The following SVOPL variants were observed in gnomAD, a reference collection of about 807,000 sequenced individuals.
The protein encoded by SVOPL is putative transporter SVOPL.
Under a neutral mutation model 61.0 loss-of-function variants are expected in SVOPL, and 60 were observed. The ratio of observed to expected loss-of-function variants is 0.98; its 90% confidence interval spans 0.80 to 1.22. The LOEUF (loss-of-function observed/expected upper bound fraction) is 1.22. Ranked by LOEUF, SVOPL falls within the 50% of genes most tolerant of loss-of-function variation. SVOPL has a pLI of 0.00. For synonymous variants in SVOPL, 279 were observed against 250.0 expected (o/e 1.12, Z -1.09); for missense variants, 662 against 643.9 (o/e 1.03, Z -0.30).
intron 14 of SVOPL, among the ~76,000 whole-genome samples, chr7:138,617,252 G>A (rs1354933190): frequency 6.6e-6 from 1 of 152,176 alleles, no homozygotes; most frequent in Non-Finnish European, 1.5e-5. Context: ...TTACAGGTGT[G>A]AGTTACTGTG....
intron 1 of SVOPL, among the ~76,000 whole-genome samples, chr7:138,692,348 C>G (rs893229970): frequency 5.3e-5 from 8 of 152,088 alleles, no homozygotes; most frequent in African/African-American, 1.9e-4. Flanking sequence ...GGAGGTGAAG[C>G]TGCAGAGGTG....
chr7:138,617,965 C>T (rs1799373153), intron 14 of SVOPL, among the ~76,000 whole-genome samples: 1 of 152,118 alleles, frequency 6.6e-6, no homozygotes, highest in African/African-American at 2.4e-5. Context: ...TGAGAACTAC[C>T]TTTCAGGAAA....
At chr7:138,695,551 C>A (rs915578751) in intron 1 of SVOPL, among the ~76,000 whole-genome samples, 3 of 151,964 alleles carry the variant, frequency 2.0e-5, no homozygotes, top group Admixed American at 2.0e-4. Context: ...ACAAATATGG[C>A]GATAAGGTTA....
At chr7:138,609,026 G>A (rs1225687745) in intron 14 of SVOPL, among the ~76,000 whole-genome samples, 4 of 152,038 alleles carry the variant, frequency 2.6e-5, no homozygotes, top group Admixed American at 2.6e-4. Context: ...AGACTGAATT[G>A]AAAAATGGGC....
At chr7:138,690,346 A>G (rs1254034952) in intron 1 of SVOPL, among the ~76,000 whole-genome samples, 5 of 151,802 alleles carry the variant, frequency 3.3e-5, no homozygotes, top group African/African-American at 1.2e-4. Context: ...TAACTTCCAG[A>G]TGCAAGATGG....
chr7:138,635,634 T>C (rs1347373584), intron 9 of SVOPL, among the ~76,000 whole-genome samples: 1 of 152,128 alleles, frequency 6.6e-6, no homozygotes, highest in Non-Finnish European at 1.5e-5. Context: ...GGAGCTGGGA[T>C]GTAGGCAGGA....
At chr7:138,622,489 C>CGGG (rs766847466) in intron 13 of SVOPL, among the ~76,000 whole-genome samples, 12 of 87,150 alleles carry the variant, frequency 1.4e-4, no homozygotes, top group African/African-American at 4.6e-4. Context: ...GAGGCAGCGG[C>CGGG]GGGCGGGGGG....
chr7:138,669,671 T>A (rs1470374159), intron 4 of SVOPL, among the ~76,000 whole-genome samples: 1 of 152,202 alleles, frequency 6.6e-6, no homozygotes, highest in Non-Finnish European at 1.5e-5. Context: ...TCATTCATTC[T>A]CACTTATGAC....
At chr7:138,603,277 T>C (rs960361794) in intron 14 of SVOPL, among the ~76,000 whole-genome samples, 1 of 152,252 alleles carries the variant, frequency 6.6e-6, no homozygotes, top group African/African-American at 2.4e-5. Context: ...TGTGATTTGA[T>C]GGTGACATTC....
intron 4 of SVOPL, among the ~76,000 whole-genome samples, chr7:138,669,858 G>A (rs1003636204): frequency 1.3e-5 from 2 of 152,066 alleles, no homozygotes; most frequent in Non-Finnish European, 2.9e-5. Context: ...TCTGTCAGTT[G>A]ATTTTTTTAG....
chr7:138,630,412 G>A (rs980247335), intron 9 of SVOPL, among the ~76,000 whole-genome samples: 3 of 152,176 alleles, frequency 2.0e-5, no homozygotes, highest in African/African-American at 4.8e-5. Flanking sequence ...GCACTGGCGC[G>A]GGGGTGGGGA....
intron 3 of SVOPL, among the ~76,000 whole-genome samples, chr7:138,672,656 T>TTTTTTAAAAAA: frequency 8.4e-6 from 1 of 118,858 alleles, no homozygotes; most frequent in South Asian, 3.0e-4. Flanking sequence ...TTTTTGTGTT[T>TTTTTTAAAAAA]AAAAAAAAAA....
At chr7:138,645,966 C>G (rs1038670267) in intron 8 of SVOPL, 1 of 159,226 alleles carries the variant, frequency 6.3e-6, no homozygotes, top group African/African-American at 2.4e-5. Context: ...CAGGCACGCA[C>G]CACCACGCCT....
intron 13 of SVOPL, among the ~76,000 whole-genome samples, chr7:138,622,284 A>ATCTG (rs1563096865): frequency 6.7e-6 from 1 of 149,494 alleles, no homozygotes; most frequent in African/African-American, 2.5e-5. Flanking sequence ...CTATCTATCT[A>ATCTG]TCTATCTATC....
At chr7:138,606,609 C>G (rs1289105089) in intron 14 of SVOPL, among the ~76,000 whole-genome samples, 2 of 152,120 alleles carry the variant, frequency 1.3e-5, no homozygotes, top group East Asian at 3.9e-4. Context: ...GGGCCTTGCT[C>G]CCTTCTCTGT....
At chr7:138,677,156 G>C (rs1010951713) in intron 3 of SVOPL, among the ~76,000 whole-genome samples, 1 of 151,874 alleles carries the variant, frequency 6.6e-6, no homozygotes, top group African/African-American at 2.4e-5. Flanking sequence ...CGCCCGCCTC[G>C]GCCTCCCAAA....
At chr7:138,597,961 G>A (rs1563077389) in intron 14 of SVOPL, among the ~76,000 whole-genome samples, 1 of 152,166 alleles carries the variant, frequency 6.6e-6, no homozygotes, top group Non-Finnish European at 1.5e-5. Context: ...GTCAGGGAGA[G>A]TAACTGCCTA....
At chr7:138,676,182 G>T (rs781047102) in intron 3 of SVOPL, among the ~76,000 whole-genome samples, 6 of 152,194 alleles carry the variant, frequency 3.9e-5, no homozygotes, top group Non-Finnish European at 5.9e-5. Context: ...GGAGAAAGCG[G>T]GAGTAGTGGT....
chr7:138,662,857 C>T (rs1292760166), intron 5 of SVOPL: 3 of 1,404,758 alleles, frequency 2.1e-6, no homozygotes, highest in East Asian at 5.2e-5. Context: ...TCCTTTTACT[C>T]CACACCTGGA....
Sources: gnomAD v4.1 joint callset for allele counts (sites outside exome capture counted in the v4.1 genomes callset) on GRCh38, gnomAD v4.1.1 for gene constraint, MANE v1.5 for transcripts, NCBI Gene and HGNC (gene_info 2026-07-23, HGNC 2026-07-21) for gene names.